The following TMEM38A variants were observed in gnomAD, a reference collection of about 807,000 sequenced individuals.
TMEM38A encodes transmembrane protein 38A.
In TMEM38A, 17 loss-of-function variants were observed where a neutral mutation model predicts 28.6. The observed-to-expected ratio is 0.60, with a 90% CI of 0.41 to 0.89. The LOEUF (loss-of-function observed/expected upper bound fraction) is 0.89. Among genes scored for constraint, TMEM38A ranks in the 40% least tolerant of loss-of-function variants. The pLI, the probability that TMEM38A is intolerant of heterozygous loss-of-function variation, is 0.00. For synonymous variants in TMEM38A, 169 were observed against 166.1 expected (o/e 1.02, Z -0.14); for missense variants, 328 against 393.1 (o/e 0.83, Z 1.40).
chr19:16,688,439 C>T lies in TMEM38A; in HGVS notation c.*68C>T, dbSNP rs1022152414. On this transcript the variant is annotated 3_prime_UTR_variant, in exon 6 of 6. Coordinates refer to ENST00000187762, the MANE Select transcript of TMEM38A (RefSeq NM_024074.4). ...ACCCTCTGAGCTGGGAGGCTTCCTGCGCTCAGATCTATCCTTTCCTGGCCT... is the reference window on the plus strand; with the variant it reads ...ACCCTCTGAGCTGGGAGGCTTCCTGTGCTCAGATCTATCCTTTCCTGGCCT... The T allele has an allele frequency of 2.1e-5, 27 of 1,276,204 alleles. No homozygotes were observed. The highest frequency in any genetic ancestry group is 1.2e-4 in the South Asian group (7 of 60,572). The allele number at this position is 1,276,204 out of a possible 1,614,324, so 79.1% of individuals were successfully genotyped here. A position where few individuals can be genotyped will look rare whatever the true frequency, so the allele number is the denominator to read the frequency against.
Position 16,686,351 on chromosome 19 carries a change from A to G in TMEM38A, c.618A>G (p.Pro206=). 1 of 1,613,720 alleles carries G rather than the reference A, an allele frequency of 6.2e-7. No homozygotes were observed. Among genetic ancestry groups the G allele is most frequent in the East Asian group, 2.2e-5 (1 of 44,854 alleles). Residue 206 remains proline (P), a synonymous_variant, in exon 5 of 6, where the codon CCA becomes CCG. Coordinates refer to ENST00000187762, the MANE Select transcript of TMEM38A (RefSeq NM_024074.4). ...LFTLQQTRWL[P]VSKASLIFIF... is the part of the protein sequence containing the mutation. ...CCCTCCAGCAGACCCGCTGGCTCCC[A>G]GTGTCCAAAGCCAGCCTCATCTTCA...
At chr19:16,683,979 A>AG (rs952559433) in intron 4 of TMEM38A, among the ~76,000 whole-genome samples, 3 of 151,394 alleles carry the variant, frequency 2.0e-5, no homozygotes, top group Non-Finnish European at 4.4e-5. Context: ...TCAAAAAAAA[A>AG]AAATTAACTA....
chr19:16,682,740 G>A (rs1299596762), intron 4 of TMEM38A, among the ~76,000 whole-genome samples: 1 of 152,174 alleles, frequency 6.6e-6, no homozygotes, highest in African/African-American at 2.4e-5. Flanking sequence ...GGGTTTTGAA[G>A]GGTGAGCAGG....
intron 1 of TMEM38A, among the ~76,000 whole-genome samples, chr19:16,665,655 G>C (rs947298597): frequency 6.6e-6 from 1 of 152,100 alleles, no homozygotes; most frequent in African/African-American, 2.4e-5. Context: ...CTTTCCTAGC[G>C]ATTGTAAAGA....
rs1043721648 is a variant in TMEM38A at position 16,672,397 on chromosome 19, C to G, written c.125-7587C>G. 2.0e-5 allele frequency among the ~76,000 whole-genome samples: 3 copies of G among 150,454 alleles called. No individual in the cohort carries two copies. In the South Asian group the frequency reaches 6.3e-4, roughly 32 times the overall value. On this transcript the variant is annotated intron_variant, in intron 1 of 5. Transcript: ENST00000187762. ...TCTTGGGCCTCACATAAAATACACTCACACTAACGATAGCTGATGAGCTTA... is the reference window on the plus strand; with the variant it reads ...TCTTGGGCCTCACATAAAATACACTGACACTAACGATAGCTGATGAGCTTA...
At chr19:16,677,094 A>C (rs2086755467) in intron 1 of TMEM38A, among the ~76,000 whole-genome samples, 1 of 144,796 alleles carries the variant, frequency 6.9e-6, no homozygotes, top group African/African-American at 2.6e-5. Context: ...AAAAAAGCCC[A>C]GCTATAGGAC....
chr19:16,674,540 C>T (rs2086741619), intron 1 of TMEM38A, among the ~76,000 whole-genome samples: 2 of 151,922 alleles, frequency 1.3e-5, no homozygotes, highest in African/African-American at 4.8e-5. Flanking sequence ...TGGCTCACAC[C>T]TATAATCCCA....
At chr19:16,683,285 A>G (rs1568316820) in intron 4 of TMEM38A, among the ~76,000 whole-genome samples, 1 of 152,116 alleles carries the variant, frequency 6.6e-6, no homozygotes, top group Non-Finnish European at 1.5e-5. Flanking sequence ...AGTTTAGTGC[A>G]TTTTTAAAAG....
Position 16,661,349 on chromosome 19 carries a change from G to A in TMEM38A, c.124+8G>A, listed in dbSNP as rs766360186. The A allele has an allele frequency of 4.4e-6, 7 of 1,584,256 alleles. No homozygotes were observed. The highest frequency in any genetic ancestry group is 1.7e-5 in the Admixed American group (1 of 57,182). ...ACCTCAAGTATGAGCCAGGTGAGCC[G>A]GGGCGGGGGGCTGGAGGGGACCGGC... On this transcript the variant is annotated splice_region_variant and intron_variant, in intron 1 of 5. Transcript: ENST00000187762. The surrounding 1 kb of genome is among the most constrained non-coding windows in gnomAD (Gnocchi z 6.5).
chr19:16,683,969 T>TAAAA (rs111516855), intron 4 of TMEM38A, among the ~76,000 whole-genome samples: 1 of 134,240 alleles, frequency 7.4e-6, no homozygotes, highest in African/African-American at 2.6e-5. Context: ...AAATTCCATC[T>TAAAA]CAAAAAAAAA....
chr19:16,673,026 G>C (rs139104320), intron 1 of TMEM38A, among the ~76,000 whole-genome samples: 2 of 152,196 alleles, frequency 1.3e-5, no homozygotes, highest in East Asian at 3.9e-4. Flanking sequence ...ACAGAGCTGA[G>C]GTTGAAAAAC....
intron 5 of TMEM38A, 38 bp downstream of exon 5, chr19:16,686,443 C>A: frequency 1.3e-6 from 2 of 1,530,470 alleles, no homozygotes; most frequent in Non-Finnish European, 1.8e-6. Context: ...TTGCCTTGAC[C>A]AATGCCACCC....
At chr19:16,680,186 A>T (rs749326168) in intron 2 of TMEM38A, 46 bp downstream of exon 2, 5 of 1,591,828 alleles carry the variant, frequency 3.1e-6, no homozygotes, top group Non-Finnish European at 4.3e-6. Flanking sequence ...TGGGGGAAAC[A>T]ACAACCTGGG....
rs560501373 is a variant in TMEM38A, at chr19:16,661,523, G to A, written c.124+182G>A. Among the ~76,000 whole-genome samples the A allele has an allele frequency of 3.9e-5, 6 of 152,114 alleles. No homozygotes were observed. Among genetic ancestry groups the A allele is most frequent in the Admixed American group, 3.3e-4 (5 of 15,288 alleles). ...GGTTCTCTCACGCCGGGGTGAGCCCGGGGGAGAAGCCCCCAGGACGATGAA... is the reference window on the plus strand; with the variant it reads ...GGTTCTCTCACGCCGGGGTGAGCCCAGGGGAGAAGCCCCCAGGACGATGAA... On this transcript the variant is annotated intron_variant, in intron 1 of 5. Transcript: ENST00000187762. This position sits in a 1 kb window ranked among gnomAD's most constrained non-coding sequence, Gnocchi z 6.5.
At chr19:16,681,779 A>G (rs1446523958) in intron 3 of TMEM38A, among the ~76,000 whole-genome samples, 1 of 152,176 alleles carries the variant, frequency 6.6e-6, no homozygotes, top group Non-Finnish European at 1.5e-5. Flanking sequence ...CAACATTGCC[A>G]GATGCTTCCT....
At chr19:16,668,036 CT>C (rs1221817028) in intron 1 of TMEM38A, among the ~76,000 whole-genome samples, 9 of 151,918 alleles carry the variant, frequency 5.9e-5, no homozygotes, top group African/African-American at 1.9e-4. Context: ...TGGTGAAACC[CT>C]GTCTCTACTA....
At chr19:16,671,011 C>T (rs1010603272) in intron 1 of TMEM38A, among the ~76,000 whole-genome samples, 4 of 152,002 alleles carry the variant, frequency 2.6e-5, no homozygotes, top group Non-Finnish European at 5.9e-5. Flanking sequence ...TAGTTGGTCA[C>T]CCTAGACCGC....
At chr19:16,672,535 A>G (rs1599387288) in intron 1 of TMEM38A, among the ~76,000 whole-genome samples, 1 of 137,350 alleles carries the variant, frequency 7.3e-6, no homozygotes, top group East Asian at 2.1e-4. Flanking sequence ...TGCAACCTCC[A>G]CCTCCTGAAT....
chr19:16,679,838 C>G, intron 1 of TMEM38A, 146 bp from the exon 2 acceptor site: 1 of 808,354 alleles, frequency 1.2e-6, no homozygotes, highest in South Asian at 2.3e-5. Context: ...TACAGCCTCT[C>G]TGAACCTTGG....
Sources: allele counts gnomAD v4.1 joint callset (sites outside exome capture counted in the v4.1 genomes callset), GRCh38; gene constraint gnomAD v4.1.1; non-coding constraint Gnocchi (gnomAD v3.1); transcripts MANE v1.5; gene names NCBI Gene and HGNC (gene_info 2026-07-23, HGNC 2026-07-21).